The following DLC1 variants were observed in gnomAD, a reference collection of about 807,000 sequenced individuals.
DLC1 encodes the protein DLC1 Rho GTPase activating protein, also known as rho GTPase-activating protein 7.
In DLC1, 54 loss-of-function variants were observed where a neutral mutation model predicts 140.3. The ratio of observed to expected loss-of-function variants is 0.38; its 90% CI spans 0.31 to 0.48. The LOEUF (loss-of-function observed/expected upper bound fraction) is 0.48, where lower values mean the gene tolerates loss of function less well. Ranked by LOEUF, DLC1 falls within the 20% of genes least tolerant of loss-of-function variation. DLC1 has a pLI of 0.96. For missense variants in DLC1, 2,536 were observed against 1,907.0 expected, an observed-to-expected ratio of 1.33 and a Z score of -6.14; for synonymous variants, 986 against 728.1, an observed-to-expected ratio of 1.35 and a Z score of -5.70.
At chr8:13,438,959 T>TA (rs1285672215) in intron 2 of DLC1, among the ~76,000 whole-genome samples, 1 of 152,214 alleles carries the variant, frequency 6.6e-6, no homozygotes. Context: ...GCTCTGCTGT[T>TA]ACGGTGCAAA....
At position 13,321,443 on chromosome 8, in the gene DLC1, C is replaced by G. The variant is rs377748675; in HGVS notation, c.1315-16141G>C. Among the ~76,000 whole-genome samples the G allele has an allele frequency of 2.3e-4, 33 of 140,448 alleles. No individual in the cohort carries two copies. The East Asian group carries it at 4.5e-3, about 19-fold the overall frequency. The allele number at this position is 140,448 out of a possible 152,430, so 92.1% of individuals were successfully genotyped here. A position where few individuals can be genotyped will look rare whatever the true frequency, so the allele number is the denominator to read the frequency against. On this transcript the variant is annotated intron_variant, in intron 4 of 17. Transcript: ENST00000276297. Reference sequence around the variant, plus strand: ...GTCTCAGCTACTTGGGAGGCTGAGGCAGGAGAATCGCTTGAACCCAGGAGG... The same window carrying G: ...GTCTCAGCTACTTGGGAGGCTGAGGGAGGAGAATCGCTTGAACCCAGGAGG...
chr8:13,304,209 A>G lies in DLC1; in HGVS notation c.1348+1060T>C, dbSNP rs527644231. Among the ~76,000 whole-genome samples the G allele has an allele frequency of 4.6e-5, 7 of 152,320 alleles. No individual in the cohort carries two copies. The South Asian group carries it at 1.2e-3, about 27-fold the overall frequency. ...ATTGAAAGTAATGGCCAAAACCACAATTACTTTTGCACCAACCTGATATTA... is the reference window on the plus strand; with the variant it reads ...ATTGAAAGTAATGGCCAAAACCACAGTTACTTTTGCACCAACCTGATATTA... On this transcript the variant is annotated intron_variant, in intron 5 of 17. Coordinates refer to ENST00000276297, the MANE Select transcript of DLC1 (RefSeq NM_182643.3).
intron 4 of DLC1, among the ~76,000 whole-genome samples, chr8:13,392,477 C>T (rs1836804639): frequency 6.6e-6 from 1 of 152,160 alleles, no homozygotes; most frequent in South Asian, 2.1e-4. Flanking sequence ...TGCAGCAAAT[C>T]TGTCATGTTT....
chr8:13,448,394 C>T lies in DLC1; in HGVS notation c.1024-46775G>A, dbSNP rs189399432. Reference sequence around the variant, plus strand: ...CTTTTTTTTTTTTGAGACAGGGTCTCGCTCTGTCACCCAGGCTGGAGTGCA... The same window carrying T: ...CTTTTTTTTTTTTGAGACAGGGTCTTGCTCTGTCACCCAGGCTGGAGTGCA... On this transcript the variant is annotated intron_variant, in intron 2 of 17. Transcript: ENST00000276297. 5.7e-3 allele frequency among the ~76,000 whole-genome samples: 841 copies of T among 147,536 alleles called. 15 individuals carry two copies. The highest frequency in any genetic ancestry group is 0.021 in the African/African-American group (810 of 39,288).
At chr8:13,258,763 G>T (rs1188296) in intron 5 of DLC1, among the ~76,000 whole-genome samples, 59,854 of 151,896 alleles carry the variant, frequency 0.39, 12,262 homozygotes, top group East Asian at 0.78. Context: ...TTGTACGGGG[G>T]TCTGTTATTT....
intron 7 of DLC1, among the ~76,000 whole-genome samples, chr8:13,107,799 CCCCAG>C (rs1204715112): frequency 6.6e-6 from 1 of 152,072 alleles, no homozygotes; most frequent in Non-Finnish European, 1.5e-5. Context: ...CGCCTGTAAT[CCCCAG>C]CCCTTTGGGA....
chr8:13,348,044 A>G (rs1413054050), intron 4 of DLC1, among the ~76,000 whole-genome samples: 1 of 152,096 alleles, frequency 6.6e-6, no homozygotes, highest in Non-Finnish European at 1.5e-5. Context: ...AGCCGAGATC[A>G]CGCCACTGCA....
At chr8:13,121,339 A>G (rs1384934708) in intron 5 of DLC1, among the ~76,000 whole-genome samples, 1 of 152,170 alleles carries the variant, frequency 6.6e-6, no homozygotes, top group African/African-American at 2.4e-5. Context: ...CTGCTTATCA[A>G]TTCTGATGAC....
intron 5 of DLC1, among the ~76,000 whole-genome samples, chr8:13,211,753 A>C (rs1280339246): frequency 6.6e-6 from 1 of 152,188 alleles, no homozygotes; most frequent in Non-Finnish European, 1.5e-5. Context: ...TTGTAATTGA[A>C]ATGATTTGTT....
At chr8:13,185,320 G>T (rs12681854) in intron 5 of DLC1, among the ~76,000 whole-genome samples, 21,833 of 133,428 alleles carry the variant, frequency 0.16, 2,053 homozygotes, top group South Asian at 0.22. Context: ...TTGTTTGTTT[G>T]TTTTTGAGAT....
chr8:13,119,164 G>C (rs1157282032), intron 5 of DLC1, among the ~76,000 whole-genome samples: 1 of 151,406 alleles, frequency 6.6e-6, no homozygotes, highest in East Asian at 1.9e-4. Flanking sequence ...AGAGGTGGAG[G>C]CTGCAGTGAG....
At chr8:13,560,686 G>C (rs573206529) in intron 1 of DLC1, among the ~76,000 whole-genome samples, 1 of 152,262 alleles carries the variant, frequency 6.6e-6, no homozygotes, top group South Asian at 2.1e-4. Context: ...GCCTTATTTG[G>C]AGATGGAGTC....
intron 4 of DLC1, among the ~76,000 whole-genome samples, chr8:13,312,177 C>T (rs935781469): frequency 7.7e-6 from 1 of 129,740 alleles, no homozygotes; most frequent in Admixed American, 7.9e-5. Flanking sequence ...CTGGCTAACA[C>T]GGTGAAACCC....
intron 1 of DLC1, among the ~76,000 whole-genome samples, chr8:13,554,815 T>C (rs1803984935): frequency 1.3e-5 from 2 of 152,244 alleles, no homozygotes; most frequent in South Asian, 4.1e-4. Flanking sequence ...CAGCCAGAGA[T>C]ATCTGTTAAG....
At chr8:13,433,427 A>T (rs756203718) in intron 2 of DLC1, among the ~76,000 whole-genome samples, 2 of 152,196 alleles carry the variant, frequency 1.3e-5, no homozygotes, top group Non-Finnish European at 2.9e-5. Flanking sequence ...ATGGATTAAC[A>T]GCTAAACTTA....
At chr8:13,098,169 G>A (rs1434412204) in intron 10 of DLC1, among the ~76,000 whole-genome samples, 1 of 151,644 alleles carries the variant, frequency 6.6e-6, no homozygotes, top group Admixed American at 6.6e-5. Context: ...AGGCTGCAGT[G>A]AGCCGAGATC....
intron 2 of DLC1, among the ~76,000 whole-genome samples, chr8:13,409,013 TA>T (rs1294395612): frequency 2.6e-5 from 4 of 152,018 alleles, no homozygotes; most frequent in African/African-American, 4.8e-5. Flanking sequence ...ATGTACCCCT[TA>T]TTTTTTTTTT....
At chr8:13,599,356 TAAAG>T (rs902766723) in intron 1 of DLC1, among the ~76,000 whole-genome samples, 17 of 152,064 alleles carry the variant, frequency 1.1e-4, no homozygotes, top group African/African-American at 2.9e-4. Context: ...ATTATTTTGA[TAAAG>T]AAAGAAAACC....
At chr8:13,596,212 C>T (rs1163628605) in intron 1 of DLC1, among the ~76,000 whole-genome samples, 1 of 151,858 alleles carries the variant, frequency 6.6e-6, no homozygotes, top group Non-Finnish European at 1.5e-5. Context: ...AAATTTTGTT[C>T]TTTATAGAAA....
Sources: allele counts gnomAD v4.1 joint callset (sites outside exome capture counted in the v4.1 genomes callset), GRCh38; gene constraint gnomAD v4.1.1; transcripts MANE v1.5; gene names NCBI Gene and HGNC (gene_info 2026-07-23, HGNC 2026-07-21).